The following USP22 variants were observed in gnomAD, a reference collection of about 807,000 sequenced individuals.
The protein encoded by USP22 is ubiquitin specific peptidase 22.
In USP22, 22 loss-of-function variants were observed where a neutral mutation model predicts 68.1. The ratio of observed to expected loss-of-function variants is 0.32; its 90% confidence interval spans 0.23 to 0.46. The LOEUF is 0.46. Among genes scored for constraint, USP22 ranks in the 20% least tolerant of loss-of-function variants. The probability of loss-of-function intolerance (pLI) is 1.00; values close to 1 mark genes in which losing one functional copy is unlikely to be tolerated. For synonymous variants in USP22, 279 were observed against 274.2 expected (o/e 1.02, Z -0.17); for missense variants, 433 against 695.8 (o/e 0.62, Z 4.25).
intron 1 of USP22, among the ~76,000 whole-genome samples, chr17:21,036,872 G>A (rs1034456974): frequency 5.3e-5 from 8 of 152,142 alleles, no homozygotes; most frequent in African/African-American, 1.9e-4. Flanking sequence ...CAGTAATGAT[G>A]AACACACCAG....
intron 11 of USP22, 108 bp downstream of exon 11, chr17:21,004,820 G>A: frequency 1.6e-6 from 2 of 1,242,902 alleles, no homozygotes; most frequent in Non-Finnish European, 2.3e-6. Context: ...CAAGCGGGAA[G>A]CAGGTCAGTG....
intron 1 of USP22, 121 bp downstream of exon 1, chr17:21,042,544 A>C: frequency 1.0e-6 from 1 of 963,708 alleles, no homozygotes; most frequent in Non-Finnish European, 1.4e-6. Flanking sequence ...AGAGAGGAAG[A>C]GGAAGGACAG....
chr17:21,013,850 G>A (rs1276998238), intron 6 of USP22, among the ~76,000 whole-genome samples: 2 of 152,222 alleles, frequency 1.3e-5, no homozygotes, highest in South Asian at 2.1e-4. Flanking sequence ...CAAGGCGGGC[G>A]GATCACGAGG....
chr17:21,005,717 C>G (rs1913756643), intron 10 of USP22, among the ~76,000 whole-genome samples: 1 of 152,212 alleles, frequency 6.6e-6, no homozygotes, highest in African/African-American at 2.4e-5. Flanking sequence ...TACCAAAAAG[C>G]AACATGCTTT....
chr17:21,020,282 C>T (rs1244857966), intron 3 of USP22, among the ~76,000 whole-genome samples: 3 of 120,176 alleles, frequency 2.5e-5, no homozygotes, highest in Admixed American at 7.9e-5. Context: ...AAAAAAAACT[C>T]AGGGAAGCCA....
In USP22 at chr17:21,002,959, G is replaced by GT. The variant is rs3214918; in HGVS notation, c.*71_*72insA. ...GCGGCGGGAGACTTGGGGGAGGGGG[G>GT]GGCCAGGGAGGATCACTTTGTGAGG... On this transcript the variant is annotated 3_prime_UTR_variant, in exon 13 of 13. Coordinates refer to ENST00000261497, the MANE Select transcript of USP22 (RefSeq NM_015276.2). 0.21 allele frequency: 340,121 copies of GT among 1,583,312 alleles called. 38,764 individuals are homozygous for GT. Among genetic ancestry groups the GT allele is most frequent in the South Asian group, 0.24 (21,792 of 90,150 alleles).
chr17:21,003,693 G>A (rs141002572), intron 12 of USP22, among the ~76,000 whole-genome samples: 260 of 152,254 alleles, frequency 1.7e-3, no homozygotes, highest in African/African-American at 6.1e-3. Flanking sequence ...CCTGAAGTCA[G>A]GAGTTTGAAA....
At chr17:21,018,940 A>G in intron 4 of USP22, 144 bp downstream of exon 4, 1 of 802,232 alleles carries the variant, frequency 1.2e-6, no homozygotes, top group Non-Finnish European at 2.0e-6. Context: ...CAGGTGCTCA[A>G]GAGCTGGTTG....
upstream of USP22, chr17:21,043,303 C>CCCCCCCCCCCCCCCG (rs1567596626): frequency 9.3e-5 from 5 of 53,672 alleles, no homozygotes; most frequent in East Asian, 5.9e-4. Flanking sequence ...TAGGCCACCC[C>CCCCCCCCCCCCCCCG]CCCCCCCCCC....
intron 2 of USP22, among the ~76,000 whole-genome samples, chr17:21,021,678 TTTGCTACTCTTA>T (rs1177405416): frequency 1.3e-5 from 2 of 152,180 alleles, no homozygotes; most frequent in African/African-American, 2.4e-5. Context: ...GTTGGCGGCA[TTTGCTACTCTTA>T]CCTTAAGTAC....
chr17:21,004,173 G>C, intron 12 of USP22, 29 bp downstream of exon 12: 2 of 1,610,038 alleles, frequency 1.2e-6, no homozygotes, highest in Non-Finnish European at 1.7e-6. Context: ...AGCCACCGTA[G>C]GGCCTTCCTC....
chr17:21,017,893 G>A (rs1450155585), intron 5 of USP22, 49 bp downstream of exon 5: 3 of 1,589,976 alleles, frequency 1.9e-6, no homozygotes, highest in Non-Finnish European at 2.6e-6. Context: ...TTTTGAAGGT[G>A]AAAACAAAGT....
rs1127815 is a variant in USP22, at chr17:21,000,918, T to C, written c.*2113A>G. On this transcript the variant is annotated 3_prime_UTR_variant, in exon 13 of 13. Transcript: ENST00000261497. Reference sequence around the variant, plus strand: ...TACAAAAATTAGCCTGGCGTGGTGGTGCATGCCTGTAGTCCCAGCTACTTG... The same window carrying C: ...TACAAAAATTAGCCTGGCGTGGTGGCGCATGCCTGTAGTCCCAGCTACTTG... The C allele has an allele frequency of 0.75, 113,470 of 151,974 alleles. 42,807 individuals are homozygous for C. Among genetic ancestry groups the C allele is most frequent in the South Asian group, 0.82 (3,952 of 4,796 alleles). 9.4% of individuals were successfully genotyped at this position (151,974 alleles called of 1,614,324 possible). A position where few individuals can be genotyped will look rare whatever the true frequency, so the allele number is the denominator to read the frequency against.
chr17:21,033,357 T>C (rs1027087364), intron 1 of USP22, among the ~76,000 whole-genome samples: 2 of 152,370 alleles, frequency 1.3e-5, no homozygotes, highest in Non-Finnish European at 2.9e-5. Flanking sequence ...TTAATTGTTG[T>C]TGATCTTATG....
At chr17:21,040,821 G>C (rs1473064144) in intron 1 of USP22, among the ~76,000 whole-genome samples, 17 of 151,888 alleles carry the variant, frequency 1.1e-4, no homozygotes, top group Non-Finnish European at 1.5e-5. Flanking sequence ...GTCCCAATCC[G>C]GACACTACTG....
chr17:21,029,196 G>A (rs1305451083), intron 1 of USP22, among the ~76,000 whole-genome samples: 2 of 152,158 alleles, frequency 1.3e-5, no homozygotes, highest in Non-Finnish European at 1.5e-5. Context: ...TGTTAATCAC[G>A]GCAATGATGA....
chr17:21,035,038 C>G (rs1972336679), intron 1 of USP22, among the ~76,000 whole-genome samples: 1 of 152,076 alleles, frequency 6.6e-6, no homozygotes, highest in Non-Finnish European at 1.5e-5. Context: ...TGAGGAAGCC[C>G]AAGAGATGCT....
chr17:21,015,089 T>C (rs1044911464), intron 6 of USP22, among the ~76,000 whole-genome samples: 1 of 152,124 alleles, frequency 6.6e-6, no homozygotes, highest in African/African-American at 2.4e-5. Context: ...ATCTCCACCA[T>C]GAGGAGTGGG....
At chr17:21,020,638 G>A (rs1274997058) in intron 3 of USP22, among the ~76,000 whole-genome samples, 1 of 152,226 alleles carries the variant, frequency 6.6e-6, no homozygotes, top group Non-Finnish European at 1.5e-5. Flanking sequence ...TCTCCTGGGA[G>A]GAAGGAGGTA....
Sources: allele counts gnomAD v4.1 joint callset (sites outside exome capture counted in the v4.1 genomes callset), GRCh38; gene constraint gnomAD v4.1.1; transcripts MANE v1.5; gene names NCBI Gene and HGNC (gene_info 2026-07-23, HGNC 2026-07-21).